LAYN: variants seen among roughly 807,000 people sequenced by gnomAD.
LAYN encodes the protein layilin.
A neutral mutation model predicts 43.6 loss-of-function variants in LAYN; 38 were observed. The observed-to-expected ratio is 0.87, with a 90% CI of 0.67 to 1.14. The LOEUF (loss-of-function observed/expected upper bound fraction) is 1.14, where lower values mean the gene tolerates loss of function less well. Among genes scored for constraint, LAYN ranks in the 50% most tolerant of loss-of-function variants. LAYN has a pLI of 0.00. For missense variants in LAYN, 479 were observed against 463.8 expected (o/e 1.03, Z -0.30); for synonymous variants, 168 against 172.9 (o/e 0.97, Z 0.22).
intron 2 of LAYN, among the ~76,000 whole-genome samples, chr11:111,547,266 G>C (rs1867664755): frequency 6.6e-6 from 1 of 152,140 alleles, no homozygotes; most frequent in Non-Finnish European, 1.5e-5. Flanking sequence ...GAAGTGGTAG[G>C]CTCCTGAATC....
chr11:111,541,376 G>A lies in LAYN; in HGVS notation c.85+448G>A, dbSNP rs1217724432. ...CAGAGACAGCGGGGTAGGGATGCTG[G>A]ATCCCCGGTGCCGTGGGAACCCTGC... On this transcript the variant is annotated intron_variant, in intron 1 of 6. Coordinates refer to ENST00000375614, the MANE Select transcript of LAYN (RefSeq NM_178834.5). 4.7e-6 allele frequency: 3 copies of A among 636,130 alleles called. No individual in the cohort carries two copies. The African/African-American group carries it at 5.4e-5, about 12-fold the overall frequency. 39.4% of individuals were successfully genotyped at this position (636,130 alleles called of 1,614,324 possible).
chr11:111,545,020 CATATACCTACT>C (rs1285250613), intron 2 of LAYN, among the ~76,000 whole-genome samples: 10 of 150,338 alleles, frequency 6.7e-5, no homozygotes, highest in African/African-American at 2.5e-4. Flanking sequence ...TATTCTTTAA[CATATACCTACT>C]ATGTACCCCC....
intron 1 of LAYN, chr11:111,541,553 T>A: frequency 6.5e-7 from 1 of 1,536,420 alleles, no homozygotes; most frequent in Non-Finnish European, 8.7e-7. Flanking sequence ...TCCTGTTGTG[T>A]CACTGCAGCC....
chr11:111,546,602 A>C (rs534053562), intron 2 of LAYN, among the ~76,000 whole-genome samples: 2 of 152,348 alleles, frequency 1.3e-5, no homozygotes, highest in Admixed American at 1.3e-4. Context: ...GCTAAGGAAG[A>C]GGCTCTGGTC....
rs1410566512 is a variant in LAYN, at chr11:111,557,524, G to A, written c.659-17G>A. The A allele has an allele frequency of 6.3e-7, 1 of 1,594,662 alleles. No individual in the cohort carries two copies. The highest frequency in any genetic ancestry group is 1.7e-5 in the Admixed American group (1 of 59,978). ...AAAAAACAGCCAATGCTGATCATGT[G>A]CTTTCTTTCTTTTCAGAAGCTGCCT... On this transcript the variant is annotated splice_polypyrimidine_tract_variant and intron_variant, in intron 5 of 6. Coordinates refer to ENST00000375614, the MANE Select transcript of LAYN (RefSeq NM_178834.5).
At chr11:111,551,356 G>A in intron 3 of LAYN, 1 of 456,222 alleles carries the variant, frequency 2.2e-6, no homozygotes, top group Non-Finnish European at 4.4e-6. Context: ...CAAAGAACAA[G>A]GGAACAAGGA....
chr11:111,560,046 C>A, intron 6 of LAYN, 49 bp from the exon 7 acceptor site: 1 of 1,543,254 alleles, frequency 6.5e-7, no homozygotes, highest in Non-Finnish European at 8.7e-7. Context: ...CAAGGGTATT[C>A]TCAATCACCT....
Position 111,558,769 on chromosome 11 carries a change from ATTTTATTT to A in LAYN, c.761+1127_761+1134del, listed in dbSNP as rs1867888174. 1.6e-4 allele frequency among the ~76,000 whole-genome samples: 16 copies of A among 97,478 alleles called. No homozygotes were observed. In the South Asian group the frequency reaches 5.8e-3, roughly 36 times the overall value. 63.9% of individuals were successfully genotyped at this position (97,478 alleles called of 152,430 possible). On this transcript the variant is annotated intron_variant, in intron 6 of 6. Transcript: ENST00000375614. ...AGAACAATATTTTATTTTATTTATT[ATTTTATTT>A]AAAAAAATATATATATATATATATA...
At chr11:111,550,875 A>C (rs189460857) in intron 3 of LAYN, among the ~76,000 whole-genome samples, 42 of 152,288 alleles carry the variant, frequency 2.8e-4, no homozygotes, top group African/African-American at 1.0e-3. Context: ...TTGAAATGTG[A>C]GGTTTTGAAA....
intron 2 of LAYN, among the ~76,000 whole-genome samples, chr11:111,545,494 C>T (rs983215567): frequency 6.6e-6 from 1 of 152,178 alleles, no homozygotes; most frequent in Non-Finnish European, 1.5e-5. Flanking sequence ...AAATAGATAA[C>T]TCCTTGCCCA....
At chr11:111,541,639 A>G in intron 1 of LAYN, 1 of 1,494,580 alleles carries the variant, frequency 6.7e-7, no homozygotes, top group South Asian at 1.2e-5. Flanking sequence ...TCGGGGGGAG[A>G]ACATCCGTGC....
At chr11:111,540,630 G>C, upstream of LAYN, 1 of 509,120 alleles carries the variant, frequency 2.0e-6, no homozygotes, top group Non-Finnish European at 3.4e-6. Context: ...TGTCGGGGGC[G>C]GGCCAGCCAG....
chr11:111,555,628 G>A (rs1867825197), intron 5 of LAYN, among the ~76,000 whole-genome samples: 1 of 152,154 alleles, frequency 6.6e-6, no homozygotes, highest in Admixed American at 6.5e-5. Context: ...CCCAAGCTGT[G>A]ATGCATAACA....
chr11:111,549,548 G>A (rs890448191), intron 2 of LAYN, 70 bp from the exon 3 acceptor site: 34 of 1,323,612 alleles, frequency 2.6e-5, no homozygotes, highest in Non-Finnish European at 3.4e-5. Flanking sequence ...GACTTGACGG[G>A]AAAACAAAGG....
intron 4 of LAYN, among the ~76,000 whole-genome samples, chr11:111,555,001 C>A (rs1401052654): frequency 1.3e-5 from 2 of 152,160 alleles, no homozygotes; most frequent in African/African-American, 4.8e-5. Context: ...GTACTGGATT[C>A]TTGACAGCAA....
At chr11:111,541,098 G>T (rs893213803) in intron 1 of LAYN, among the ~76,000 whole-genome samples, 170 bp downstream of exon 1, 2 of 152,252 alleles carry the variant, frequency 1.3e-5, no homozygotes, top group Non-Finnish European at 2.9e-5. Flanking sequence ...GTCGCACGGC[G>T]TCTGAGACCC....
Position 111,560,430 on chromosome 11 carries a change from G to A in LAYN, c.1097G>A (p.Trp366Ter), listed in dbSNP as rs1867935147. 6.8e-6 allele frequency: 11 copies of A among 1,613,800 alleles called. No individual in the cohort carries two copies. Among genetic ancestry groups the A allele is most frequent in the Non-Finnish European group, 9.3e-6 (11 of 1,179,780 alleles). Residue 366 changes from tryptophan (W) to a stop codon, truncating the protein, a stop_gained, in exon 7 of 7, where the codon TGG (tryptophan) becomes TAG (stop). Transcript: ENST00000375614. LOFTEE classifies it high-confidence loss of function. ...DQMGRSKESG[W>*]VENEIYGY ...ATGGGGAGGAGTAAGGAGTCTGGATGGGTGGAAAATGAAATATATGGTTAT... is the reference window on the plus strand; with the variant it reads ...ATGGGGAGGAGTAAGGAGTCTGGATAGGTGGAAAATGAAATATATGGTTAT...
chr11:111,548,401 A>C (rs556436272), intron 2 of LAYN, among the ~76,000 whole-genome samples: 1 of 152,334 alleles, frequency 6.6e-6, no homozygotes, highest in East Asian at 1.9e-4. Flanking sequence ...ATAATATTCA[A>C]CCTATAAGAC....
chr11:111,554,441 A>G, intron 3 of LAYN, 120 bp from the exon 4 acceptor site: 1 of 795,366 alleles, frequency 1.3e-6, no homozygotes, highest in South Asian at 1.5e-5. Flanking sequence ...ATAACAACAA[A>G]TAAAGTTTAT....
Sources: allele counts gnomAD v4.1 joint callset (sites outside exome capture counted in the v4.1 genomes callset), GRCh38; gene constraint gnomAD v4.1.1; transcripts MANE v1.5; gene names NCBI Gene and HGNC (gene_info 2026-07-23, HGNC 2026-07-21).